Variants in CTNNA2 observed in about 807,000 individuals in gnomAD.
The protein encoded by CTNNA2 is catenin alpha-2.
A neutral mutation model predicts 101.0 loss-of-function variants in CTNNA2; 42 were observed. That is an observed-to-expected ratio of 0.42 (90% CI 0.32 to 0.54). CTNNA2 has a LOEUF of 0.54. CTNNA2 is among the 20% of genes least tolerant of loss of function. The pLI is 0.14. For synonymous variants in CTNNA2, 450 were observed against 456.4 expected, an observed-to-expected ratio of 0.99 and a Z score of 0.18; for missense variants, 871 against 1,223.1, an observed-to-expected ratio of 0.71 and a Z score of 4.29.
In CTNNA2 at chr2:79,992,356, A is replaced by G. The variant is rs72922640; in HGVS notation, c.1056+82559A>G. ...GCTTTGAAAATTAGACATACTTAAT[A>G]TTGCATATGGTGAAATGGAGGCAGT... On this transcript the variant is annotated intron_variant, in intron 7 of 18. Transcript: ENST00000402739. Among the ~76,000 whole-genome samples the G allele has an allele frequency of 7.2e-3, 1,095 of 152,348 alleles. 9 individuals carry two copies. The highest frequency in any genetic ancestry group is 0.025 in the African/African-American group (1,020 of 41,576).
intron 7 of CTNNA2, among the ~76,000 whole-genome samples, chr2:79,935,358 T>TA (rs1687714015): frequency 1.3e-5 from 2 of 151,900 alleles, no homozygotes; most frequent in South Asian, 4.2e-4. Flanking sequence ...CTCTCTTTTT[T>TA]TTTTTTTAAC....
chr2:79,226,170 A>C (rs1674406255), intron 2 of CTNNA2, among the ~76,000 whole-genome samples: 1 of 152,194 alleles, frequency 6.6e-6, no homozygotes, highest in Non-Finnish European at 1.5e-5. Flanking sequence ...GCCTGAAACG[A>C]AACTTTATCT....
At chr2:80,365,569 T>TG (rs890876578) in intron 7 of CTNNA2, among the ~76,000 whole-genome samples, 3 of 121,728 alleles carry the variant, frequency 2.5e-5, no homozygotes, top group Non-Finnish European at 4.8e-5. Flanking sequence ...TTGTGTTTTT[T>TG]GGAAAAAAAA....
intron 8 of CTNNA2, among the ~76,000 whole-genome samples, chr2:80,411,473 T>C (rs1679567053): frequency 6.6e-6 from 1 of 152,272 alleles, no homozygotes; most frequent in Admixed American, 6.5e-5. Context: ...CCACAGGGGC[T>C]CTTCTTCTTT....
At chr2:79,403,374 A>G (rs1678309466) in intron 4 of CTNNA2, among the ~76,000 whole-genome samples, 2 of 151,998 alleles carry the variant, frequency 1.3e-5, no homozygotes, top group Admixed American at 1.3e-4. Context: ...GTCACTGGTC[A>G]CATATGGTTA....
At chr2:79,900,293 T>A (rs1180008166) in intron 6 of CTNNA2, among the ~76,000 whole-genome samples, 1 of 152,206 alleles carries the variant, frequency 6.6e-6, no homozygotes, top group Admixed American at 6.5e-5. Flanking sequence ...AGCAAACTTT[T>A]TTCTTTGTTT....
At chr2:79,671,465 A>G (rs1682836485) in intron 2 of CTNNA2, among the ~76,000 whole-genome samples, 1 of 151,962 alleles carries the variant, frequency 6.6e-6, no homozygotes, top group Non-Finnish European at 1.5e-5. Flanking sequence ...TCAATAAAGC[A>G]CATAGTTTTG....
intron 7 of CTNNA2, among the ~76,000 whole-genome samples, chr2:79,966,230 A>G (rs182580941): frequency 1.3e-5 from 2 of 151,914 alleles, no homozygotes; most frequent in Non-Finnish European, 1.5e-5. Flanking sequence ...ATATATATAT[A>G]TGTGTGACTA....
intron 7 of CTNNA2, among the ~76,000 whole-genome samples, chr2:80,380,258 G>C (rs1180820558): frequency 6.6e-6 from 1 of 151,940 alleles, no homozygotes; most frequent in Non-Finnish European, 1.5e-5. Context: ...GGATAATCTC[G>C]ATCTCCTGAC....
chr2:79,586,516 T>C (rs1422856641), intron 1 of CTNNA2, among the ~76,000 whole-genome samples: 2 of 69,864 alleles, frequency 2.9e-5, no homozygotes, highest in Admixed American at 1.2e-4. Context: ...GGTTTTCTTT[T>C]CTTTTCTTTT....
At position 79,761,425 on chromosome 2, in the gene CTNNA2, A is replaced by G. The variant is rs72931263; in HGVS notation, c.298+16843A>G. ...AATGCTATGTAAGTCAATGCATATT[A>G]TTGAAATATTTTTAGTGTTTCTGCC... On this transcript the variant is annotated intron_variant, in intron 3 of 18. Coordinates refer to ENST00000402739, the MANE Select transcript of CTNNA2 (RefSeq NM_001282597.3). Among the ~76,000 whole-genome samples, 1,187 of 152,322 alleles carry G rather than the reference A, an allele frequency of 7.8e-3. 18 individuals are homozygous for G. The highest frequency in any genetic ancestry group is 0.027 in the African/African-American group (1,119 of 41,558).
At chr2:80,090,514 A>G (rs1483275515) in intron 7 of CTNNA2, among the ~76,000 whole-genome samples, 2 of 152,090 alleles carry the variant, frequency 1.3e-5, no homozygotes, top group Non-Finnish European at 2.9e-5. Context: ...TCTTAGCTTC[A>G]GAGCATGAGG....
intron 2 of CTNNA2, among the ~76,000 whole-genome samples, chr2:79,210,045 C>T (rs1172340191): frequency 7.0e-6 from 1 of 143,372 alleles, no homozygotes; most frequent in East Asian, 2.0e-4. Flanking sequence ...TACCAGAAGG[C>T]ACACCCTAGA....
At chr2:79,949,017 A>G (rs4643562) in intron 7 of CTNNA2, among the ~76,000 whole-genome samples, 63,729 of 151,896 alleles carry the variant, frequency 0.42, 14,041 homozygotes, top group East Asian at 0.73. Flanking sequence ...AAATAAATAA[A>G]TTTAACCTGT....
intron 7 of CTNNA2, among the ~76,000 whole-genome samples, chr2:80,139,957 A>T (rs1702907654): frequency 6.6e-6 from 1 of 152,186 alleles, no homozygotes; most frequent in Non-Finnish European, 1.5e-5. Flanking sequence ...AACTCTTCTC[A>T]CTGGGGGTTG....
At chr2:79,494,969 T>G (rs180711064) in intron 4 of CTNNA2, among the ~76,000 whole-genome samples, 26 of 151,992 alleles carry the variant, frequency 1.7e-4, no homozygotes, top group Middle Eastern at 3.4e-3. Context: ...TGGGCGTGGT[T>G]GCAGGCGCCT....
At chr2:80,562,623 T>TA (rs575342655) in intron 12 of CTNNA2, among the ~76,000 whole-genome samples, 3 of 152,216 alleles carry the variant, frequency 2.0e-5, no homozygotes, top group Non-Finnish European at 4.4e-5. Flanking sequence ...TGGCAAAAAA[T>TA]ATAAAAACGT....
At chr2:80,331,757 G>C (rs1306763338) in intron 7 of CTNNA2, among the ~76,000 whole-genome samples, 1 of 152,170 alleles carries the variant, frequency 6.6e-6, no homozygotes, top group Non-Finnish European at 1.5e-5. Context: ...TGAGAAAAGA[G>C]TGAGGGTCCC....
chr2:80,293,191 C>T (rs748878942), intron 7 of CTNNA2, among the ~76,000 whole-genome samples: 4 of 152,156 alleles, frequency 2.6e-5, no homozygotes, highest in Admixed American at 6.5e-5. Context: ...TTGCCTTGGC[C>T]AGCTGAAGAC....
Sources: allele counts gnomAD v4.1 joint callset (sites outside exome capture counted in the v4.1 genomes callset), GRCh38; gene constraint gnomAD v4.1.1; transcripts MANE v1.5; gene names NCBI Gene and HGNC (gene_info 2026-07-23, HGNC 2026-07-21).